The following FAM124A variants were observed in gnomAD, a reference collection of about 807,000 sequenced individuals.
FAM124A encodes the protein protein FAM124A.
A neutral mutation model predicts 24.5 loss-of-function variants in FAM124A; 23 were observed. The ratio of observed to expected loss-of-function variants is 0.94; its 90% CI spans 0.68 to 1.33. The LOEUF is 1.33. Ranked by LOEUF, FAM124A falls within the 40% of genes most tolerant of loss-of-function variation. The pLI is 0.00. For synonymous variants in FAM124A, 287 were observed against 314.7 expected (o/e 0.91, Z 0.93); for missense variants, 623 against 722.8 (o/e 0.86, Z 1.58).
In FAM124A at chr13:51,261,181, C is replaced by T. The variant is rs552850865; in HGVS notation, c.834+8980C>T. ...TTACTCCCGCTTGGGCTCTGGTATT[C>T]CCTGGGCAGGGGTGCAGTGACCTGA... On this transcript the variant is annotated intron_variant, in intron 3 of 3. Transcript: ENST00000322475. 2.6e-5 allele frequency among the ~76,000 whole-genome samples: 4 copies of T among 152,108 alleles called. No individual in the cohort carries two copies. In the South Asian group the frequency reaches 8.3e-4, roughly 32 times the overall value.
Position 51,281,094 on chromosome 13 carries a change from A to C in FAM124A, c.1479A>C (p.Thr493=). ...AAAGGTCTTCCAGCTCCTCAGCGAC[A>C]GCTCGTGCTGCTCCCCCAGCTCCCA... ...FTKRSSSSSA[T]ARAAPPAPST... is the part of the protein sequence containing the mutation. The change falls in exon 4 of 4, where the codon ACA becomes ACC. Residue 493 remains threonine, a synonymous_variant. Transcript: ENST00000322475. 6.2e-7 allele frequency: 1 copy of C among 1,614,098 alleles called. No homozygotes were observed. Among genetic ancestry groups the C allele is most frequent in the South Asian group, 1.1e-5 (1 of 91,080 alleles).
At chr13:51,261,384 G>A (rs1954735664) in intron 3 of FAM124A, among the ~76,000 whole-genome samples, 1 of 152,232 alleles carries the variant, frequency 6.6e-6, no homozygotes, top group Non-Finnish European at 1.5e-5. Context: ...TGCATTGCCT[G>A]CACAGGGTCA....
At chr13:51,239,941 T>C (rs969224357) in intron 2 of FAM124A, among the ~76,000 whole-genome samples, 1 of 152,238 alleles carries the variant, frequency 6.6e-6, no homozygotes, top group Non-Finnish European at 1.5e-5. Context: ...GGAAATCTTT[T>C]CTGCTGCCCT....
chr13:51,228,633 A>G (rs574529707), intron 1 of FAM124A, among the ~76,000 whole-genome samples: 1 of 152,352 alleles, frequency 6.6e-6, no homozygotes, highest in African/African-American at 2.4e-5. Context: ...TGTCCAGAGT[A>G]CAGACTTGTC....
intron 3 of FAM124A, among the ~76,000 whole-genome samples, chr13:51,261,273 T>C (rs938524689): frequency 6.6e-6 from 1 of 152,150 alleles, no homozygotes; most frequent in African/African-American, 2.4e-5. Flanking sequence ...GGCACGGGGC[T>C]AGTGCAGAGG....
At chr13:51,247,982 T>G (rs1010835337) in intron 2 of FAM124A, among the ~76,000 whole-genome samples, 2 of 152,216 alleles carry the variant, frequency 1.3e-5, no homozygotes, top group Non-Finnish European at 2.9e-5. Context: ...CTGATTGTGT[T>G]CCTAGCCATC....
intron 2 of FAM124A, among the ~76,000 whole-genome samples, chr13:51,236,121 G>A (rs1479533164): frequency 6.6e-6 from 1 of 152,116 alleles, no homozygotes; most frequent in Non-Finnish European, 1.5e-5. Flanking sequence ...TGCCCTCGAA[G>A]CAGCCCCAAC....
At chr13:51,242,107 G>T (rs1369604211) in intron 2 of FAM124A, among the ~76,000 whole-genome samples, 1 of 152,108 alleles carries the variant, frequency 6.6e-6, no homozygotes, top group African/African-American at 2.4e-5. Context: ...CTTTTTGGTA[G>T]ATTTCTTTCA....
chr13:51,235,321 A>T (rs1382588982), intron 2 of FAM124A, among the ~76,000 whole-genome samples: 1 of 151,998 alleles, frequency 6.6e-6, no homozygotes, highest in Non-Finnish European at 1.5e-5. Context: ...TTACATTCTT[A>T]TGCAGTTTAA....
At chr13:51,237,552 G>A (rs1274835669) in intron 2 of FAM124A, among the ~76,000 whole-genome samples, 1 of 152,068 alleles carries the variant, frequency 6.6e-6, no homozygotes, top group Non-Finnish European at 1.5e-5. Flanking sequence ...GCCCTGGATC[G>A]GGTTCTCCAT....
At chr13:51,244,841 C>T (rs1490791279) in intron 2 of FAM124A, among the ~76,000 whole-genome samples, 2 of 152,234 alleles carry the variant, frequency 1.3e-5, no homozygotes, top group African/African-American at 4.8e-5. Context: ...CCAGGCGAAA[C>T]AGCCAGCCCA....
chr13:51,231,242 ATTTCT>A (rs1954373577), intron 1 of FAM124A, 101 bp from the exon 2 acceptor site: 1 of 1,258,896 alleles, frequency 7.9e-7, no homozygotes, highest in South Asian at 1.3e-5. Flanking sequence ...AATTGGTGAC[ATTTCT>A]TTACCAGCTA....
At chr13:51,224,437 C>T (rs893578509) in intron 1 of FAM124A, among the ~76,000 whole-genome samples, 1 of 151,888 alleles carries the variant, frequency 6.6e-6, no homozygotes, top group Non-Finnish European at 1.5e-5. Flanking sequence ...CGCCATTGCA[C>T]TCCAGCATGG....
intron 3 of FAM124A, 90 bp from the exon 4 acceptor site, chr13:51,280,360 C>A: frequency 1.7e-6 from 2 of 1,168,576 alleles, no homozygotes; most frequent in African/African-American, 1.5e-5. Flanking sequence ...CATGACATTG[C>A]CAGGAGTTTC....
chr13:51,245,346 G>T, intron 2 of FAM124A: 1 of 699,080 alleles, frequency 1.4e-6, no homozygotes. Flanking sequence ...CATGTTGCCT[G>T]TTCCTTTACT....
intron 2 of FAM124A, chr13:51,245,275 A>G: frequency 3.2e-6 from 2 of 624,090 alleles, no homozygotes; most frequent in Non-Finnish European, 5.8e-6. Flanking sequence ...GCATGTGAAA[A>G]TCTGGCCGCC....
At chr13:51,243,455 G>A (rs549778786) in intron 2 of FAM124A, among the ~76,000 whole-genome samples, 1 of 152,288 alleles carries the variant, frequency 6.6e-6, no homozygotes, top group South Asian at 2.1e-4. Flanking sequence ...GGGGAGGCTA[G>A]CCCTCTGCAA....
At chr13:51,249,453 A>G (rs1954597450) in intron 2 of FAM124A, among the ~76,000 whole-genome samples, 1 of 152,240 alleles carries the variant, frequency 6.6e-6, no homozygotes, top group Non-Finnish European at 1.5e-5. Flanking sequence ...TAACTTCCAG[A>G]AGCCTCTCAG....
At chr13:51,276,526 A>T (rs1191485291) in intron 3 of FAM124A, among the ~76,000 whole-genome samples, 1 of 152,194 alleles carries the variant, frequency 6.6e-6, no homozygotes, top group Non-Finnish European at 1.5e-5. Flanking sequence ...CACTGATTTT[A>T]CAAAACGTGT....
Sources: gnomAD v4.1 joint callset for allele counts (sites outside exome capture counted in the v4.1 genomes callset) on GRCh38, gnomAD v4.1.1 for gene constraint, MANE v1.5 for transcripts, NCBI Gene and HGNC (gene_info 2026-07-23, HGNC 2026-07-21) for gene names.